Variants in ASTN2 observed in about 807,000 individuals in gnomAD.
ASTN2 encodes the protein astrotactin-2.
A neutral mutation model predicts 139.8 loss-of-function variants in ASTN2; 54 were observed. The ratio of observed to expected loss-of-function variants is 0.39; its 90% CI spans 0.31 to 0.48. The LOEUF is 0.48. ASTN2 is among the 20% of genes least tolerant of loss of function. The probability of loss-of-function intolerance (pLI) is 0.95; values close to 1 mark genes in which losing one functional copy is unlikely to be tolerated. For missense variants in ASTN2, 1,565 were observed against 1,725.1 expected (o/e 0.91, Z 1.64); for synonymous variants, 756 against 719.5 (o/e 1.05, Z -0.81).
intron 3 of ASTN2, among the ~76,000 whole-genome samples, chr9:117,167,061 A>G (rs1344235696): frequency 6.6e-6 from 1 of 152,166 alleles, no homozygotes. Context: ...ATGATCTACA[A>G]AAGCAAAACC....
At chr9:116,896,953 G>C (rs1326557343) in intron 10 of ASTN2, among the ~76,000 whole-genome samples, 1 of 152,134 alleles carries the variant, frequency 6.6e-6, no homozygotes, top group East Asian at 1.9e-4. Flanking sequence ...GGGCTACCAG[G>C]TGGGCAACAA....
chr9:117,130,039 G>A (rs1330946567), intron 4 of ASTN2, among the ~76,000 whole-genome samples: 1 of 152,124 alleles, frequency 6.6e-6, no homozygotes, highest in African/African-American at 2.4e-5. Flanking sequence ...AGGCATGGTG[G>A]CACACGCCTG....
At chr9:117,001,862 A>C (rs1027074476) in intron 7 of ASTN2, among the ~76,000 whole-genome samples, 6 of 152,060 alleles carry the variant, frequency 3.9e-5, no homozygotes, top group Non-Finnish European at 8.8e-5. Flanking sequence ...TTATTTTTAT[A>C]CCTGTGAGAA....
At chr9:117,351,015 A>G (rs939827302) in intron 1 of ASTN2, among the ~76,000 whole-genome samples, 1 of 152,200 alleles carries the variant, frequency 6.6e-6, no homozygotes, top group Non-Finnish European at 1.5e-5. Flanking sequence ...TACTTGAGAG[A>G]CTGAAGGTGG....
At chr9:116,702,940 G>A (rs536562299) in intron 16 of ASTN2, among the ~76,000 whole-genome samples, 21 of 152,178 alleles carry the variant, frequency 1.4e-4, no homozygotes, top group Non-Finnish European at 2.4e-4. Context: ...TCTGGGTAAG[G>A]CAAGTAATGC....
chr9:117,199,191 C>G (rs974627419), intron 3 of ASTN2, among the ~76,000 whole-genome samples: 1 of 152,190 alleles, frequency 6.6e-6, no homozygotes, highest in East Asian at 1.9e-4. Flanking sequence ...GCATCTTCGT[C>G]ATGAAGCCTT....
At chr9:116,803,765 C>T (rs1830960025) in intron 13 of ASTN2, among the ~76,000 whole-genome samples, 2 of 151,148 alleles carry the variant, frequency 1.3e-5, no homozygotes, top group Admixed American at 1.3e-4. Context: ...ACCTCATGAT[C>T]CGCCTGCCTC....
At chr9:116,433,407 G>A (rs1312200073) in intron 22 of ASTN2, among the ~76,000 whole-genome samples, 1 of 152,130 alleles carries the variant, frequency 6.6e-6, no homozygotes, top group Non-Finnish European at 1.5e-5. Context: ...TCTTAAGCCT[G>A]TATCTGTTTC....
intron 5 of ASTN2, among the ~76,000 whole-genome samples, chr9:117,094,157 AG>A (rs1445762251): frequency 8.4e-6 from 1 of 118,762 alleles, no homozygotes; most frequent in African/African-American, 3.2e-5. Flanking sequence ...GGAGGGAGAA[AG>A]GGAGGAAGGG....
At chr9:116,583,088 C>T (rs1222007497) in intron 19 of ASTN2, 1 of 152,304 alleles carries the variant, frequency 6.6e-6, no homozygotes, top group South Asian at 2.1e-4. Flanking sequence ...TTCCAGTGGT[C>T]CAGCCCCACT....
intron 11 of ASTN2, among the ~76,000 whole-genome samples, chr9:116,837,970 G>T (rs1832056851): frequency 6.6e-6 from 1 of 152,164 alleles, no homozygotes; most frequent in South Asian, 2.1e-4. Flanking sequence ...GCCTCAGTTT[G>T]TCCTTCTGGA....
At chr9:117,106,591 A>G (rs369645519) in intron 4 of ASTN2, among the ~76,000 whole-genome samples, 1 of 152,238 alleles carries the variant, frequency 6.6e-6, no homozygotes, top group African/African-American at 2.4e-5. Flanking sequence ...TATTTATTGT[A>G]GAAATGTTTT....
chr9:116,848,037 T>C (rs1006579204), intron 11 of ASTN2, among the ~76,000 whole-genome samples: 2 of 152,176 alleles, frequency 1.3e-5, no homozygotes, highest in African/African-American at 4.8e-5. Flanking sequence ...AGGCAGAGGC[T>C]CTAACTGTCT....
intron 13 of ASTN2, among the ~76,000 whole-genome samples, chr9:116,766,254 C>T (rs958504831): frequency 2.0e-5 from 3 of 152,044 alleles, no homozygotes; most frequent in African/African-American, 7.3e-5. Context: ...CAAATACACA[C>T]GTGCACTGAC....
chr9:117,128,265 T>A (rs1024845187), intron 4 of ASTN2, among the ~76,000 whole-genome samples: 6 of 150,292 alleles, frequency 4.0e-5, no homozygotes, highest in Non-Finnish European at 2.9e-5. Context: ...TCCCAGCTAC[T>A]CAGGAGGCTG....
At chr9:117,183,314 A>C (rs1305520366) in intron 3 of ASTN2, among the ~76,000 whole-genome samples, 2 of 152,214 alleles carry the variant, frequency 1.3e-5, no homozygotes, top group Admixed American at 6.5e-5. Flanking sequence ...TGAGTAGTTG[A>C]GAGAATTAAA....
intron 3 of ASTN2, among the ~76,000 whole-genome samples, chr9:117,154,696 CAT>C (rs1564452853): frequency 6.6e-6 from 1 of 151,968 alleles, no homozygotes; most frequent in Non-Finnish European, 1.5e-5. Flanking sequence ...ATGGTTAAAA[CAT>C]GTGAAAAATT....
chr9:117,090,616 A>C (rs534356932), intron 5 of ASTN2, among the ~76,000 whole-genome samples: 1 of 152,338 alleles, frequency 6.6e-6, no homozygotes, highest in African/African-American at 2.4e-5. Flanking sequence ...AGAAGACAGA[A>C]CAAATATTTC....
intron 1 of ASTN2, among the ~76,000 whole-genome samples, chr9:117,327,006 G>A (rs750507542): frequency 6.6e-6 from 1 of 152,170 alleles, no homozygotes; most frequent in Non-Finnish European, 1.5e-5. Context: ...CCACAGACCA[G>A]GGGAGTTGTG....
Sources: gnomAD v4.1 joint callset for allele counts (sites outside exome capture counted in the v4.1 genomes callset) on GRCh38, gnomAD v4.1.1 for gene constraint, MANE v1.5 for transcripts, NCBI Gene and HGNC (gene_info 2026-07-23, HGNC 2026-07-21) for gene names.